The following ACVR1B variants were observed in gnomAD, a reference collection of about 807,000 sequenced individuals.
The protein encoded by ACVR1B is activin A receptor type 1B.
Under a neutral mutation model 55.6 loss-of-function variants are expected in ACVR1B, and 15 were observed. The observed-to-expected ratio is 0.27, with a 90% CI of 0.18 to 0.42. The LOEUF (loss-of-function observed/expected upper bound fraction) is 0.42, where lower values mean the gene tolerates loss of function less well. ACVR1B is among the 10% of genes least tolerant of loss of function. The pLI, the probability that ACVR1B is intolerant of heterozygous loss-of-function variation, is 1.00. For missense variants in ACVR1B, 359 were observed against 670.1 expected (o/e 0.54, Z 5.13); for synonymous variants, 247 against 254.6 (o/e 0.97, Z 0.28).
chr12:51,981,148 G>A lies in ACVR1B; in HGVS notation c.760G>A (p.Val254Ile). Residue 254 changes from valine (V) to isoleucine (I), a missense_variant, in exon 4 of 9, where the codon GTC (valine) becomes ATC (isoleucine). Physicochemically the swap from Val to Ile is conservative, Grantham distance 29. Around this residue, in one of 5 missense-constraint regions of ACVR1B, gnomAD observed 119 missense variants for 340.2 expected, o/e 0.35. Coordinates refer to ENST00000257963, the MANE Select transcript of ACVR1B (RefSeq NM_004302.5). ...CAGGGAAGCAGAGATATACCAGACG[G>A]TCATGCTGCGCCATGAAAACATCCT... ...WFREAEIYQTVMLRHENILGF... is the reference protein window; with the variant it reads ...WFREAEIYQTIMLRHENILGF... The A allele has an allele frequency of 6.2e-7, 1 of 1,614,154 alleles. No individual in the cohort carries two copies. Among genetic ancestry groups the A allele is most frequent in the Non-Finnish European group, 8.5e-7 (1 of 1,180,016 alleles).
chr12:51,991,776 C>T, intron 7 of ACVR1B, 87 bp from the exon 8 acceptor site: 1 of 1,428,618 alleles, frequency 7.0e-7, no homozygotes, highest in Non-Finnish European at 9.6e-7. Flanking sequence ...GTGGTATTTA[C>T]AGAGCACAGT....
At chr12:51,966,529 G>C (rs986134529) in intron 1 of ACVR1B, among the ~76,000 whole-genome samples, 1 of 152,190 alleles carries the variant, frequency 6.6e-6, no homozygotes, top group African/African-American at 2.4e-5. Context: ...GCTCACTTCA[G>C]CTTCAGTCTC....
At chr12:51,961,502 C>G (rs1162911479) in intron 1 of ACVR1B, among the ~76,000 whole-genome samples, 1 of 152,178 alleles carries the variant, frequency 6.6e-6, no homozygotes, top group Non-Finnish European at 1.5e-5. Context: ...TATCCTACCA[C>G]CTACCCATTT....
rs547106477 is a variant in ACVR1B, at chr12:51,993,318, T to C, written c.1393-667T>C. Among the ~76,000 whole-genome samples the C allele has an allele frequency of 7.2e-5, 11 of 152,360 alleles. No homozygotes were observed. The South Asian group carries it at 1.4e-3, about 20-fold the overall frequency. The stretch of plus-strand genomic sequence containing the variant: ...TGCATTTCAGAACAGAATTGCATAT[T>C]AGCTGATGCTTTCGTGTTGCATCAT... On this transcript the variant is annotated intron_variant, in intron 8 of 8. Transcript: ENST00000257963.
At chr12:51,976,177 A>G (rs1244695192) in intron 2 of ACVR1B, 150 bp from the exon 3 acceptor site, 2 of 931,364 alleles carry the variant, frequency 2.1e-6, no homozygotes, top group South Asian at 1.7e-5. Context: ...AGGCAGCAAG[A>G]CTAGCCCAGA....
intron 4 of ACVR1B, 38 bp downstream of exon 4, chr12:51,981,237 G>T: frequency 6.3e-7 from 1 of 1,574,834 alleles, no homozygotes; most frequent in Non-Finnish European, 8.7e-7. Flanking sequence ...CCCAGATAGA[G>T]GATGCTAGAG....
chr12:51,975,602 G>GAT lies in ACVR1B; in HGVS notation c.331+100_331+101dup. On this transcript the variant is annotated intron_variant, in intron 2 of 8. Coordinates refer to ENST00000257963, the MANE Select transcript of ACVR1B (RefSeq NM_004302.5). Reference sequence around the variant, plus strand: ...CTCTTGCCCACTCACTTGGTTTGACGATAAAGATGCCTTTTGGATGTTCCC... The same window carrying GAT: ...CTCTTGCCCACTCACTTGGTTTGACGATATAAAGATGCCTTTTGGATGTTCCC... The GAT allele has an allele frequency of 4.8e-6, 7 of 1,452,258 alleles. No homozygotes were observed. The South Asian group carries it at 8.2e-5, about 17-fold the overall frequency. The allele number at this position is 1,452,258 out of a possible 1,614,324, so 90.0% of individuals were successfully genotyped here.
chr12:51,990,564 C>T (rs1942171299), intron 7 of ACVR1B, among the ~76,000 whole-genome samples: 2 of 152,054 alleles, frequency 1.3e-5, no homozygotes, highest in African/African-American at 4.8e-5. Context: ...AATCCTTCCA[C>T]CTCGGCCTCC....
chr12:51,987,109 G>C (rs560902667), intron 7 of ACVR1B, 167 bp downstream of exon 7: 1 of 907,488 alleles, frequency 1.1e-6, no homozygotes, highest in Admixed American at 1.9e-5. Context: ...CTGTGCTTAG[G>C]GTGCGTTTAT....
chr12:51,976,657 G>A (rs1055067048), intron 3 of ACVR1B, 82 bp downstream of exon 3: 29 of 1,543,256 alleles, frequency 1.9e-5, no homozygotes, highest in Non-Finnish European at 2.4e-5. Context: ...AGAGAAGGCT[G>A]GAGGCCCTGC....
Position 51,951,812 on chromosome 12 carries a change from G to A in ACVR1B, c.69G>A (p.Gly23=). 1.6e-6 allele frequency: 2 copies of A among 1,284,232 alleles called. No homozygotes were observed. The highest frequency in any genetic ancestry group is 2.0e-6 in the Non-Finnish European group (2 of 1,006,900). 79.6% of individuals were successfully genotyped at this position (1,284,232 alleles called of 1,614,324 possible). A position where few individuals can be genotyped will look rare whatever the true frequency, so the allele number is the denominator to read the frequency against. The change falls in exon 1 of 9, where the codon GGG becomes GGA. Residue 23 remains glycine (G), a synonymous_variant. Coordinates refer to ENST00000257963, the MANE Select transcript of ACVR1B (RefSeq NM_004302.5). ...LVVLLLAGSG[G]SGPRGVQALL... is the part of the protein sequence containing the mutation. Reference sequence around the variant, plus strand: ...TCCTCCTGCTCGCCGGCAGCGGCGGGTCCGGGCCCCGGGGGGTCCAGGGTG... The same window carrying A: ...TCCTCCTGCTCGCCGGCAGCGGCGGATCCGGGCCCCGGGGGGTCCAGGGTG...
chr12:51,982,013 T>C (rs1055647130), intron 4 of ACVR1B, among the ~76,000 whole-genome samples: 1 of 152,196 alleles, frequency 6.6e-6, no homozygotes, highest in Non-Finnish European at 1.5e-5. Context: ...CCTCTCCCTT[T>C]TATTGCTTTA....
At chr12:51,972,605 G>A (rs1455275553) in intron 1 of ACVR1B, among the ~76,000 whole-genome samples, 1 of 152,116 alleles carries the variant, frequency 6.6e-6, no homozygotes, top group Admixed American at 6.5e-5. Context: ...ATTAGGAAAC[G>A]GGTGCGAGAA....
intron 1 of ACVR1B, among the ~76,000 whole-genome samples, chr12:51,957,412 C>G (rs1941434490): frequency 6.7e-6 from 1 of 149,048 alleles, no homozygotes; most frequent in Admixed American, 6.7e-5. Context: ...CCACTGCACT[C>G]CAGCCTAGGC....
intron 7 of ACVR1B, among the ~76,000 whole-genome samples, chr12:51,988,941 A>G (rs930460790): frequency 6.6e-6 from 1 of 152,106 alleles, no homozygotes; most frequent in African/African-American, 2.4e-5. Flanking sequence ...TACATGGTGA[A>G]ACTCTATCTT....
chr12:51,971,833 G>A (rs148926835), intron 1 of ACVR1B, among the ~76,000 whole-genome samples: 7 of 152,252 alleles, frequency 4.6e-5, no homozygotes, highest in Admixed American at 2.6e-4. Context: ...AAACATAGCT[G>A]GAAAGGATTT....
At chr12:51,985,125 T>C in intron 5 of ACVR1B, 67 bp from the exon 6 acceptor site, 1 of 1,499,154 alleles carries the variant, frequency 6.7e-7, no homozygotes, top group South Asian at 1.3e-5. Context: ...ACAGTCTGGC[T>C]GCATAGTCTA....
chr12:51,955,295 A>G (rs2120419796), intron 1 of ACVR1B, among the ~76,000 whole-genome samples: 1 of 152,352 alleles, frequency 6.6e-6, no homozygotes, highest in African/African-American at 2.4e-5. Context: ...ACCTTTTTAG[A>G]TGATTATGTC....
chr12:51,971,352 G>A (rs770315569), intron 1 of ACVR1B, among the ~76,000 whole-genome samples: 32 of 152,220 alleles, frequency 2.1e-4, no homozygotes, highest in Non-Finnish European at 3.8e-4. Flanking sequence ...AATGACAAAA[G>A]TCTATGCAAG....
Sources: allele counts gnomAD v4.1 joint callset (sites outside exome capture counted in the v4.1 genomes callset), GRCh38; gene constraint gnomAD v4.1.1; regional missense constraint gnomAD v4.1.1; transcripts MANE v1.5; gene names NCBI Gene and HGNC (gene_info 2026-07-23, HGNC 2026-07-21).